Variants in PITPNC1 observed in about 807,000 individuals in gnomAD.
The protein encoded by PITPNC1 is cytoplasmic phosphatidylinositol transfer protein 1.
PITPNC1 carries 18 observed loss-of-function variants against 44.7 expected under a neutral mutation model. The ratio of observed to expected loss-of-function variants is 0.40; its 90% CI spans 0.28 to 0.60. PITPNC1 has a LOEUF of 0.60. Among genes scored for constraint, PITPNC1 ranks in the 20% least tolerant of loss-of-function variants. The pLI is 0.39. For synonymous variants in PITPNC1, 141 were observed against 149.6 expected (o/e 0.94, Z 0.42); for missense variants, 290 against 418.4 (o/e 0.69, Z 2.68).
At chr17:67,485,345 A>G (rs562489245) in intron 1 of PITPNC1, among the ~76,000 whole-genome samples, 140 of 148,656 alleles carry the variant, frequency 9.4e-4, no homozygotes, top group African/African-American at 3.4e-3. Context: ...AGAATTGTGT[A>G]CTGAGAGTCA....
intron 1 of PITPNC1, among the ~76,000 whole-genome samples, chr17:67,395,170 CTTTTTTTTT>C (rs902427835): frequency 1.3e-4 from 19 of 140,978 alleles, no homozygotes; most frequent in Non-Finnish European, 2.2e-4. Flanking sequence ...CAGGTTTTTT[CTTTTTTTTT>C]TTTTTAGAGA....
intron 6 of PITPNC1, among the ~76,000 whole-genome samples, chr17:67,669,003 G>A (rs1476879360): frequency 2.6e-5 from 4 of 152,192 alleles, no homozygotes; most frequent in Non-Finnish European, 5.9e-5. Flanking sequence ...ATACCAGAAT[G>A]TTTTCATCAC....
intron 1 of PITPNC1, among the ~76,000 whole-genome samples, chr17:67,520,545 C>T (rs1188850299): frequency 2.0e-5 from 3 of 152,184 alleles, no homozygotes; most frequent in Non-Finnish European, 2.9e-5. Context: ...AAGGCAGAAA[C>T]GCTCAAGAAA....
chr17:67,588,543 A>G (rs2041351625), intron 5 of PITPNC1, among the ~76,000 whole-genome samples: 1 of 152,044 alleles, frequency 6.6e-6, no homozygotes, highest in Admixed American at 6.6e-5. Flanking sequence ...TCTGCTCTGT[A>G]TATGCTACAC....
chr17:67,441,660 T>C (rs1358064827), intron 1 of PITPNC1, among the ~76,000 whole-genome samples: 4 of 152,152 alleles, frequency 2.6e-5, no homozygotes, highest in Non-Finnish European at 4.4e-5. Context: ...ATTATTCTTC[T>C]CCCTGTTCCT....
At chr17:67,618,134 G>A (rs529022599) in intron 5 of PITPNC1, among the ~76,000 whole-genome samples, 1 of 152,052 alleles carries the variant, frequency 6.6e-6, no homozygotes, top group African/African-American at 2.4e-5. Flanking sequence ...ACCAAGGCGG[G>A]GGGTGGATCA....
At chr17:67,451,317 C>G (rs1403484545) in intron 1 of PITPNC1, among the ~76,000 whole-genome samples, 1 of 152,154 alleles carries the variant, frequency 6.6e-6, no homozygotes, top group East Asian at 1.9e-4. Context: ...CAGGTGTGAG[C>G]CACCGTGCCT....
chr17:67,673,505 G>C (rs2042547234), intron 7 of PITPNC1, among the ~76,000 whole-genome samples: 1 of 152,086 alleles, frequency 6.6e-6, no homozygotes, highest in African/African-American at 2.4e-5. Flanking sequence ...GTCCAGTCAA[G>C]CTTGTCATTC....
intron 5 of PITPNC1, among the ~76,000 whole-genome samples, chr17:67,598,726 CA>C (rs565364007): frequency 6.6e-6 from 1 of 151,334 alleles, no homozygotes; most frequent in Non-Finnish European, 1.5e-5. Context: ...CCCGTCTCTA[CA>C]AAAAAATACA....
At chr17:67,476,343 T>G (rs1232428103) in intron 1 of PITPNC1, among the ~76,000 whole-genome samples, 1 of 152,110 alleles carries the variant, frequency 6.6e-6, no homozygotes, top group East Asian at 1.9e-4. Context: ...TGCACCACCA[T>G]GCCCGGCTAA....
intron 2 of PITPNC1, among the ~76,000 whole-genome samples, chr17:67,543,819 T>C (rs540320219): frequency 6.6e-6 from 1 of 152,300 alleles, no homozygotes; most frequent in Admixed American, 6.5e-5. Flanking sequence ...TGAGTACTAA[T>C]GCATTAGTAC....
chr17:67,690,080 T>C (rs1393662929), intron 8 of PITPNC1, among the ~76,000 whole-genome samples: 1 of 152,236 alleles, frequency 6.6e-6, no homozygotes, highest in African/African-American at 2.4e-5. Flanking sequence ...AAAATTTTAA[T>C]AATTGTTCCC....
At chr17:67,506,816 A>T (rs4791289) in intron 1 of PITPNC1, among the ~76,000 whole-genome samples, 1 of 151,524 alleles carries the variant, frequency 6.6e-6, no homozygotes, top group Non-Finnish European at 1.5e-5. Flanking sequence ...CAGTTAGAAA[A>T]AGCACATTTC....
At chr17:67,647,462 G>GTTTTTTTTT (rs1491334449) in intron 6 of PITPNC1, among the ~76,000 whole-genome samples, 105 of 96,218 alleles carry the variant, frequency 1.1e-3, no homozygotes, top group South Asian at 2.4e-3. Flanking sequence ...AGCTAATTTT[G>GTTTTTTTTT]GGTTTTTTTT....
intron 1 of PITPNC1, among the ~76,000 whole-genome samples, chr17:67,398,559 G>C (rs1365327956): frequency 6.6e-6 from 1 of 152,126 alleles, no homozygotes; most frequent in Non-Finnish European, 1.5e-5. Flanking sequence ...GCCGGCTGCA[G>C]GAGTTGCAGT....
intron 1 of PITPNC1, among the ~76,000 whole-genome samples, chr17:67,425,197 G>GCACACACACACACACACACACA (rs60303181): frequency 1.0e-5 from 1 of 98,466 alleles, no homozygotes; most frequent in East Asian, 5.0e-4. Context: ...GCGCGCGCAC[G>GCACACACACACACACACACACA]CACACGCACA....
intron 1 of PITPNC1, among the ~76,000 whole-genome samples, chr17:67,497,529 C>CTTTTTTTTTTT (rs34364657): frequency 2.3e-5 from 2 of 87,506 alleles, no homozygotes; most frequent in South Asian, 4.7e-4. Context: ...TTGTTCGTGT[C>CTTTTTTTTTTT]TTTTTTTTTT....
At chr17:67,529,081 G>A (rs1568027891) in intron 1 of PITPNC1, among the ~76,000 whole-genome samples, 1 of 152,012 alleles carries the variant, frequency 6.6e-6, no homozygotes, top group Admixed American at 6.6e-5. Flanking sequence ...CCACACTGAC[G>A]CCGTCTCAGT....
At chr17:67,471,518 G>A (rs755063467) in intron 1 of PITPNC1, 2 of 361,888 alleles carry the variant, frequency 5.5e-6, no homozygotes, top group South Asian at 4.1e-5. Flanking sequence ...AAGAAACTGT[G>A]GTTTTTGCCA....
Sources: allele counts gnomAD v4.1 joint callset (sites outside exome capture counted in the v4.1 genomes callset), GRCh38; gene constraint gnomAD v4.1.1; transcripts MANE v1.5; gene names NCBI Gene and HGNC (gene_info 2026-07-23, HGNC 2026-07-21).